The following SPATA24 variants were observed in gnomAD, a reference collection of about 807,000 sequenced individuals.
SPATA24 encodes spermatogenesis-associated protein 24.
In SPATA24, 21 loss-of-function variants were observed where a neutral mutation model predicts 28.9. The observed-to-expected ratio is 0.73, with a 90% confidence interval of 0.52 to 1.05. SPATA24 has a LOEUF of 1.05. Among genes scored for constraint, SPATA24 ranks in the 50% least tolerant of loss-of-function variants. The pLI is 0.00. For synonymous variants in SPATA24, 76 were observed against 89.9 expected, an observed-to-expected ratio of 0.85 and a Z score of 0.88; for missense variants, 215 against 242.9, an observed-to-expected ratio of 0.88 and a Z score of 0.76.
intron 4 of SPATA24, among the ~76,000 whole-genome samples, chr5:139,397,399 G>A (rs1187962607): frequency 2.0e-5 from 3 of 152,156 alleles, no homozygotes; most frequent in Non-Finnish European, 4.4e-5. Context: ...AAGGTCCTTG[G>A]AGAGAAGTGG....
At chr5:139,394,512 C>G, downstream of SPATA24, 1 of 1,448,490 alleles carries the variant, frequency 6.9e-7, no homozygotes, top group South Asian at 1.4e-5. Context: ...CCAGAGCCAC[C>G]TCCACACACT....
At chr5:139,396,121 T>C (rs1294897030), downstream of SPATA24, 3 of 964,928 alleles carry the variant, frequency 3.1e-6, no homozygotes, top group Non-Finnish European at 1.2e-6. Context: ...TCCTGTGCAC[T>C]TGGCCTCAAA....
At chr5:139,393,446 A>G (rs1190640950), downstream of SPATA24, 3 of 1,551,040 alleles carry the variant, frequency 1.9e-6, no homozygotes, top group Admixed American at 3.9e-5. Flanking sequence ...GGCGGTGCCA[A>G]CTCCTCCTGA....
intron 4 of SPATA24, among the ~76,000 whole-genome samples, chr5:139,400,736 GC>G (rs770070459): frequency 2.9e-4 from 44 of 152,294 alleles, no homozygotes; most frequent in Non-Finnish European, 4.3e-4. Context: ...CAAAAAAGTG[GC>G]CCCCAGGCAT....
chr5:139,403,716 C>A (rs1023590182), intron 1 of SPATA24, among the ~76,000 whole-genome samples: 2 of 152,202 alleles, frequency 1.3e-5, no homozygotes, highest in Non-Finnish European at 2.9e-5. Flanking sequence ...CTTGCAGCAA[C>A]CAGGCAAACG....
intron 4 of SPATA24, chr5:139,401,431 T>C (rs553330690): frequency 1.6e-6 from 1 of 606,140 alleles, no homozygotes; most frequent in South Asian, 2.0e-5. Flanking sequence ...GCTTGCCCTG[T>C]GTTCCTCTTG....
chr5:139,394,139 A>G (rs1352223424), downstream of SPATA24: 1 of 1,547,012 alleles, frequency 6.5e-7, no homozygotes, highest in South Asian at 1.2e-5. Flanking sequence ...AGGCTGGGCC[A>G]CGGCCTCGGG....
downstream of SPATA24, chr5:139,392,570 C>T (rs1414768659): frequency 7.4e-7 from 1 of 1,353,736 alleles, no homozygotes. This position sits in a 1 kb window ranked among gnomAD's most constrained non-coding sequence, Gnocchi z 5.8. Context: ...GCCAGGGGCT[C>T]CCGCGGGAGT....
intron 1 of SPATA24, among the ~76,000 whole-genome samples, chr5:139,402,901 G>A (rs763442635): frequency 6.6e-6 from 1 of 152,220 alleles, no homozygotes; most frequent in Non-Finnish European, 1.5e-5. Context: ...CATGGAGGAG[G>A]CAGTCCACAG....
downstream of SPATA24, chr5:139,392,780 G>A: frequency 1.4e-6 from 2 of 1,445,386 alleles, no homozygotes; most frequent in South Asian, 1.5e-5. The surrounding 1 kb of genome is among the most constrained non-coding windows in gnomAD (Gnocchi z 5.8). Context: ...TCGGGGACCA[G>A]GCGCTGGGCC....
chr5:139,397,151 GGA>G lies in SPATA24; in HGVS notation c.386-10_386-9del, dbSNP rs1758729059. ...TAATGTGAGACTCAATCTCTGTGGG[GGA>G]GAGAGGCAGGGAGGAGGGGTGGTTC... On this transcript the variant is annotated splice_polypyrimidine_tract_variant and intron_variant, in intron 4 of 5. Transcript: ENST00000450845. 2 of 1,548,588 alleles carry G rather than the reference GGA, an allele frequency of 1.3e-6. No individual in the cohort carries two copies. Among genetic ancestry groups the G allele is most frequent in the African/African-American group, 2.7e-5 (2 of 72,958 alleles).
chr5:139,394,044 T>C (rs951699331), downstream of SPATA24: 1 of 1,550,816 alleles, frequency 6.4e-7, no homozygotes, highest in Non-Finnish European at 8.7e-7. Context: ...TCTTCTCCTC[T>C]GACTGAAGGA....
downstream of SPATA24, chr5:139,395,831 A>G (rs909732849): frequency 6.6e-6 from 1 of 152,252 alleles, no homozygotes; most frequent in Non-Finnish European, 1.5e-5. Flanking sequence ...GGCCCTGGAT[A>G]CCGATGTGGG....
At chr5:139,403,845 C>G in intron 1 of SPATA24, 99 bp downstream of exon 1, 1 of 1,027,258 alleles carries the variant, frequency 9.7e-7, no homozygotes, top group Non-Finnish European at 1.5e-6. Flanking sequence ...ATGGGCCATG[C>G]GTTCTAGCCA....
intron 1 of SPATA24, 90 bp from the exon 2 acceptor site, chr5:139,402,783 A>G (rs1317301038): frequency 6.3e-6 from 6 of 946,128 alleles, no homozygotes; most frequent in East Asian, 2.6e-5. Context: ...TAACAGGATG[A>G]TGCTCGTGGT....
At chr5:139,393,839 G>A, downstream of SPATA24, 1 of 1,551,434 alleles carries the variant, frequency 6.4e-7, no homozygotes, top group Non-Finnish European at 8.7e-7. Flanking sequence ...CACGGGGACA[G>A]GTTCTGGGGC....
chr5:139,394,874 G>T (rs1330866400), downstream of SPATA24: 5 of 1,521,454 alleles, frequency 3.3e-6, no homozygotes, highest in East Asian at 1.3e-4. Flanking sequence ...ACGGACAGGC[G>T]AGGCTGCGCG....
At chr5:139,396,112 C>A, downstream of SPATA24, 1 of 926,438 alleles carries the variant, frequency 1.1e-6, no homozygotes, top group Non-Finnish European at 1.3e-6. Flanking sequence ...ACTGCCCCCT[C>A]CTGTGCACTT....
At chr5:139,394,840 C>T (rs1480993806), downstream of SPATA24, 1 of 1,531,632 alleles carries the variant, frequency 6.5e-7, no homozygotes, top group South Asian at 1.2e-5. Context: ...GGGCCCGTGC[C>T]GCTGGCGGCT....
Sources: gnomAD v4.1 joint callset for allele counts (sites outside exome capture counted in the v4.1 genomes callset) on GRCh38, gnomAD v4.1.1 for gene constraint, Gnocchi (gnomAD v3.1) non-coding constraint, MANE v1.5 for transcripts, NCBI Gene and HGNC (gene_info 2026-07-23, HGNC 2026-07-21) for gene names.